The following NELL1 variants were observed in gnomAD, a reference collection of about 807,000 sequenced individuals.
The protein encoded by NELL1 is neural EGFL like 1, also known as protein kinase C-binding protein NELL1.
A neutral mutation model predicts 107.4 loss-of-function variants in NELL1; 76 were observed. That is an observed-to-expected ratio of 0.71 (90% CI 0.59 to 0.86). NELL1 has a LOEUF of 0.86. NELL1 is among the 40% of genes least tolerant of loss of function. NELL1 has a pLI of 0.00. For synonymous variants in NELL1, 353 were observed against 341.2 expected (o/e 1.03, Z -0.38); for missense variants, 1,024 against 1,005.5 (o/e 1.02, Z -0.25).
chr11:21,447,892 C>T (rs933419925), intron 15 of NELL1, among the ~76,000 whole-genome samples: 3 of 152,160 alleles, frequency 2.0e-5, no homozygotes, highest in Non-Finnish European at 2.9e-5. Flanking sequence ...AGTGCCAGTG[C>T]TTCCCAGTTC....
intron 2 of NELL1, among the ~76,000 whole-genome samples, chr11:20,710,606 A>G (rs1855087943): frequency 6.6e-6 from 1 of 152,090 alleles, no homozygotes; most frequent in Non-Finnish European, 1.5e-5. Flanking sequence ...TTTTAGTAAG[A>G]TTAATATTAA....
chr11:21,195,456 A>G lies in NELL1; in HGVS notation c.1427-33876A>G, dbSNP rs536362877. ...TTGCAAAAATCTTAGAGATATTCCT[A>G]TTCTTTCATTTTCTTCCTTCCCACA... On this transcript the variant is annotated intron_variant, in intron 13 of 19. Transcript: ENST00000357134. Among the ~76,000 whole-genome samples the G allele has an allele frequency of 2.9e-3, 440 of 151,544 alleles. 2 individuals are homozygous for G. The highest frequency in any genetic ancestry group is 0.01 in the African/African-American group (425 of 41,246).
chr11:20,775,460 G>A (rs770209560), intron 2 of NELL1, among the ~76,000 whole-genome samples: 21 of 130,934 alleles, frequency 1.6e-4, no homozygotes, highest in Admixed American at 3.4e-4. Context: ...ACTCTTAATC[G>A]TATTATAAAA....
At chr11:21,496,857 T>C (rs1223515008) in intron 15 of NELL1, among the ~76,000 whole-genome samples, 2 of 152,162 alleles carry the variant, frequency 1.3e-5, no homozygotes, top group Non-Finnish European at 2.9e-5. Flanking sequence ...TTCCCACCTA[T>C]GAGTGAGGAC....
chr11:20,929,066 C>G (rs1290420640), intron 9 of NELL1, among the ~76,000 whole-genome samples: 1 of 152,134 alleles, frequency 6.6e-6, no homozygotes, highest in Non-Finnish European at 1.5e-5. Flanking sequence ...TTATTATTAT[C>G]CCTATTTTAC....
At chr11:20,710,255 C>G (rs904178395) in intron 2 of NELL1, among the ~76,000 whole-genome samples, 1 of 152,166 alleles carries the variant, frequency 6.6e-6, no homozygotes, top group Admixed American at 6.5e-5. Context: ...GGTTTTTAAT[C>G]ATAAAGTGAT....
Position 21,413,219 on chromosome 11 carries a change from GA to G in NELL1, c.1645+42273del, listed in dbSNP as rs1852423693. ...ATGTTCAGCCCTGCTGAGTCATCCA[GA>G]ATTCTGAGGGATGATGGAGATGCGA... On this transcript the variant is annotated intron_variant, in intron 15 of 19. Coordinates refer to ENST00000357134, the MANE Select transcript of NELL1 (RefSeq NM_006157.5). Among the ~76,000 whole-genome samples the G allele has an allele frequency of 2.0e-5, 3 of 151,982 alleles. No individual in the cohort carries two copies. The South Asian group carries it at 6.2e-4, about 31-fold the overall frequency.
At chr11:21,402,151 G>GT (rs1158562531) in intron 15 of NELL1, among the ~76,000 whole-genome samples, 2 of 151,710 alleles carry the variant, frequency 1.3e-5, no homozygotes, top group Non-Finnish European at 2.9e-5. Context: ...AGCAGCCATT[G>GT]TAACTCCTGG....
intron 2 of NELL1, among the ~76,000 whole-genome samples, chr11:20,770,525 A>G (rs1428963495): frequency 6.6e-6 from 1 of 152,204 alleles, no homozygotes; most frequent in African/African-American, 2.4e-5. Context: ...TGATAATTGC[A>G]TAGTTTCCCC....
chr11:21,053,927 A>T (rs1161101515), intron 12 of NELL1, among the ~76,000 whole-genome samples: 5 of 152,184 alleles, frequency 3.3e-5, no homozygotes, highest in Non-Finnish European at 7.3e-5. Flanking sequence ...AACAATAAGA[A>T]TAACAACAGC....
At chr11:21,451,091 G>A (rs1356676650) in intron 15 of NELL1, among the ~76,000 whole-genome samples, 1 of 150,366 alleles carries the variant, frequency 6.7e-6, no homozygotes, top group Non-Finnish European at 1.5e-5. Flanking sequence ...GGAGGCTGAG[G>A]CAGGAGAACG....
intron 15 of NELL1, among the ~76,000 whole-genome samples, chr11:21,451,185 TAAAAAAAAAA>T (rs35257979): frequency 0.017 from 1,746 of 101,642 alleles, 29 homozygotes; most frequent in Non-Finnish European, 0.021. Context: ...AGACTCCGTC[TAAAAAAAAAA>T]AAAAAAAGAA....
chr11:21,351,950 G>C (rs1349916778), intron 14 of NELL1, among the ~76,000 whole-genome samples: 1 of 152,156 alleles, frequency 6.6e-6, no homozygotes, highest in Non-Finnish European at 1.5e-5. Context: ...TAGGAGAACT[G>C]ATGCTTTATG....
intron 5 of NELL1, among the ~76,000 whole-genome samples, chr11:20,891,004 A>C (rs1431982127): frequency 6.6e-6 from 1 of 152,136 alleles, no homozygotes; most frequent in East Asian, 1.9e-4. Flanking sequence ...CAGGAAATAC[A>C]AAGAACACCA....
intron 14 of NELL1, among the ~76,000 whole-genome samples, chr11:21,344,308 T>C (rs1850639203): frequency 6.6e-6 from 1 of 152,216 alleles, no homozygotes; most frequent in Admixed American, 6.5e-5. Flanking sequence ...CATGCTGAGA[T>C]AACTTGGTGT....
intron 18 of NELL1, among the ~76,000 whole-genome samples, chr11:21,571,625 A>G (rs113543887): frequency 1.3e-5 from 2 of 151,898 alleles, no homozygotes; most frequent in African/African-American, 4.8e-5. Context: ...TACATGTTTA[A>G]AAAGGAAAAA....
chr11:20,945,841 A>T (rs1291526372), intron 10 of NELL1, among the ~76,000 whole-genome samples: 1 of 152,204 alleles, frequency 6.6e-6, no homozygotes, highest in African/African-American at 2.4e-5. Context: ...GTGCAGTTGC[A>T]AAGTGGGGCA....
intron 16 of NELL1, among the ~76,000 whole-genome samples, chr11:21,541,185 A>G (rs943762849): frequency 6.6e-6 from 1 of 152,096 alleles, no homozygotes; most frequent in African/African-American, 2.4e-5. Context: ...GTTGCTGGAG[A>G]CACACTCCAA....
intron 15 of NELL1, among the ~76,000 whole-genome samples, chr11:21,517,871 G>T (rs976406482): frequency 6.6e-6 from 1 of 152,022 alleles, no homozygotes; most frequent in Admixed American, 6.5e-5. Context: ...AAATGATTCA[G>T]TCCCTTTGTT....
Sources: gnomAD v4.1 joint callset for allele counts (sites outside exome capture counted in the v4.1 genomes callset) on GRCh38, gnomAD v4.1.1 for gene constraint, MANE v1.5 for transcripts, NCBI Gene and HGNC (gene_info 2026-07-23, HGNC 2026-07-21) for gene names.